Variants in SLIT3 observed in about 807,000 individuals in gnomAD.
The protein encoded by SLIT3 is slit guidance ligand 3.
Under a neutral mutation model 184.0 loss-of-function variants are expected in SLIT3, and 68 were observed. The ratio of observed to expected loss-of-function variants is 0.37; its 90% CI spans 0.30 to 0.45. The LOEUF (loss-of-function observed/expected upper bound fraction) is 0.45, where lower values mean the gene tolerates loss of function less well. Ranked by LOEUF, SLIT3 falls within the 20% of genes least tolerant of loss-of-function variation. The pLI, the probability that SLIT3 is intolerant of heterozygous loss-of-function variation, is 1.00. For synonymous variants in SLIT3, 831 were observed against 828.6 expected (o/e 1.00, Z -0.05); for missense variants, 1,707 against 2,026.0 (o/e 0.84, Z 3.02).
intron 26 of SLIT3, among the ~76,000 whole-genome samples, chr5:168,705,398 C>A (rs1363705200): frequency 6.6e-6 from 1 of 152,170 alleles, no homozygotes; most frequent in African/African-American, 2.4e-5. Flanking sequence ...AGTAGATACT[C>A]AATAAATGCT....
chr5:169,254,242 G>T (rs1765873003), intron 1 of SLIT3, among the ~76,000 whole-genome samples: 1 of 152,166 alleles, frequency 6.6e-6, no homozygotes, highest in Non-Finnish European at 1.5e-5. Flanking sequence ...AATGGGAATG[G>T]ATTACACTGA....
intron 4 of SLIT3, among the ~76,000 whole-genome samples, chr5:169,076,807 C>A (rs561868546): frequency 1.3e-5 from 2 of 152,228 alleles, no homozygotes; most frequent in African/African-American, 4.8e-5. Flanking sequence ...TAGTTCAATT[C>A]ATCGAGTACA....
At chr5:169,110,767 T>A (rs1760381508) in intron 4 of SLIT3, among the ~76,000 whole-genome samples, 2 of 152,240 alleles carry the variant, frequency 1.3e-5, no homozygotes, top group African/African-American at 4.8e-5. Context: ...AATAGCTTCC[T>A]AACGGGTCTC....
chr5:168,781,078 T>C (rs1755953451), intron 12 of SLIT3, among the ~76,000 whole-genome samples: 1 of 152,216 alleles, frequency 6.6e-6, no homozygotes, highest in Non-Finnish European at 1.5e-5. Flanking sequence ...CTGTGGGTTG[T>C]CATGGTGATT....
chr5:168,771,797 A>G (rs190952209), intron 14 of SLIT3, among the ~76,000 whole-genome samples: 1 of 152,218 alleles, frequency 6.6e-6, no homozygotes, highest in Non-Finnish European at 1.5e-5. Context: ...AAGAAGCACA[A>G]GTCTGCCTGG....
At chr5:168,881,798 A>T (rs781386937) in intron 5 of SLIT3, among the ~76,000 whole-genome samples, 1 of 152,198 alleles carries the variant, frequency 6.6e-6, no homozygotes, top group Non-Finnish European at 1.5e-5. Context: ...TCATTTTCTC[A>T]GGAAGATATA....
At chr5:168,761,278 A>G (rs1468553536) in intron 15 of SLIT3, among the ~76,000 whole-genome samples, 1 of 152,140 alleles carries the variant, frequency 6.6e-6, no homozygotes, top group Non-Finnish European at 1.5e-5. Flanking sequence ...ACCCCCAGGA[A>G]GGTTTCTCCA....
intron 1 of SLIT3, 123 bp from the exon 2 acceptor site, chr5:169,251,582 G>A (rs963031001): frequency 2.0e-5 from 14 of 710,642 alleles, no homozygotes; most frequent in African/African-American, 5.2e-5. Flanking sequence ...GATGATTAAC[G>A]ATATCCCTTG....
intron 1 of SLIT3, among the ~76,000 whole-genome samples, chr5:169,257,747 G>A (rs1171502194): frequency 6.6e-6 from 1 of 151,652 alleles, no homozygotes; most frequent in Non-Finnish European, 1.5e-5. Context: ...TAGAGATGGG[G>A]TTTCACCATG....
At chr5:168,848,818 T>A (rs1186107368) in intron 5 of SLIT3, among the ~76,000 whole-genome samples, 1 of 152,228 alleles carries the variant, frequency 6.6e-6, no homozygotes, top group Non-Finnish European at 1.5e-5. Flanking sequence ...ATAGCACTTT[T>A]GAAAGAATTC....
chr5:169,062,643 T>G (rs1758213715), intron 4 of SLIT3, among the ~76,000 whole-genome samples: 1 of 152,266 alleles, frequency 6.6e-6, no homozygotes, highest in Admixed American at 6.5e-5. Context: ...TTTTACACTT[T>G]GTGGAAACTA....
chr5:169,092,291 G>A (rs1003322484), intron 4 of SLIT3, among the ~76,000 whole-genome samples: 3 of 152,350 alleles, frequency 2.0e-5, no homozygotes, highest in African/African-American at 7.2e-5. Context: ...GAGTGAAGGA[G>A]AGGAGCTGTG....
chr5:169,216,014 T>C (rs1045534847), intron 3 of SLIT3, among the ~76,000 whole-genome samples: 6 of 152,206 alleles, frequency 3.9e-5, no homozygotes, highest in African/African-American at 1.4e-4. Context: ...CTAATTTACA[T>C]AGGAAGAAAT....
At chr5:169,000,041 C>T (rs1755648884) in intron 4 of SLIT3, among the ~76,000 whole-genome samples, 3 of 152,144 alleles carry the variant, frequency 2.0e-5, no homozygotes, top group African/African-American at 7.2e-5. Flanking sequence ...AAAATCAGTG[C>T]TCAACAAATA....
intron 4 of SLIT3, among the ~76,000 whole-genome samples, chr5:169,089,184 C>A (rs564800937): frequency 6.6e-6 from 1 of 152,172 alleles, no homozygotes; most frequent in South Asian, 2.1e-4. Flanking sequence ...AAATGTAGGA[C>A]CCCTTCCCAA....
At chr5:168,879,772 C>T (rs1031425172) in intron 5 of SLIT3, among the ~76,000 whole-genome samples, 2 of 152,176 alleles carry the variant, frequency 1.3e-5, no homozygotes, top group African/African-American at 4.8e-5. Flanking sequence ...GACATCACTT[C>T]ACACCCAATG....
chr5:168,993,061 G>C (rs1207618434), intron 4 of SLIT3: 1 of 152,192 alleles, frequency 6.6e-6, no homozygotes, highest in Non-Finnish European at 1.5e-5. Flanking sequence ...GGCCTCAGTA[G>C]GTAGGTGTTT....
At chr5:169,207,372 C>CATACAT (rs35504412) in intron 3 of SLIT3, among the ~76,000 whole-genome samples, 7,690 of 61,908 alleles carry the variant, frequency 0.12, 230 homozygotes, top group African/African-American at 0.2. Flanking sequence ...CACATACATA[C>CATACAT]ACACACACAC....
intron 4 of SLIT3, among the ~76,000 whole-genome samples, chr5:169,150,907 G>C (rs1762093981): frequency 6.6e-6 from 1 of 152,142 alleles, no homozygotes; most frequent in Non-Finnish European, 1.5e-5. Context: ...GGAGATGCTG[G>C]AAACATCTGC....
Sources: gnomAD v4.1 joint callset for allele counts (sites outside exome capture counted in the v4.1 genomes callset) on GRCh38, gnomAD v4.1.1 for gene constraint, MANE v1.5 for transcripts, NCBI Gene and HGNC (gene_info 2026-07-23, HGNC 2026-07-21) for gene names.